ST13: variants seen among roughly 807,000 people sequenced by gnomAD.
ST13 encodes hsc70-interacting protein.
A neutral mutation model predicts 56.7 loss-of-function variants in ST13; 23 were observed. That is an observed-to-expected ratio of 0.41 (90% CI 0.29 to 0.57). The LOEUF (loss-of-function observed/expected upper bound fraction) is 0.57. Ranked by LOEUF, ST13 falls within the 20% of genes least tolerant of loss-of-function variation. ST13 has a pLI of 0.36. For synonymous variants in ST13, 132 were observed against 142.4 expected (o/e 0.93, Z 0.52); for missense variants, 369 against 459.9 (o/e 0.80, Z 1.81).
chr22:40,835,356 CTCACT>C, intron 7 of ST13, 199 bp downstream of exon 7: 1 of 428,372 alleles, frequency 2.3e-6, no homozygotes, highest in Admixed American at 3.9e-5. Context: ...TTCCTATATT[CTCACT>C]TCTTCTTTTA....
Position 40,826,627 on chromosome 22 carries a change from T to C in ST13, c.1021A>G (p.Asn341Asp), listed in dbSNP as rs773978219. Residue 341 changes from asparagine to aspartate, a missense_variant, in exon 12 of 12, where the codon AAC (asparagine) becomes GAC (aspartate). Physicochemically the swap from Asn to Asp is conservative, Grantham distance 23 (BLOSUM62 1). Around this residue, in one of 3 missense-constraint regions of ST13, gnomAD observed 136 missense variants for 159.2 expected, o/e 0.85. Coordinates refer to ENST00000216218, the MANE Select transcript of ST13 (RefSeq NM_003932.5). ...TGGTATTTTGACATATTTGCTGGGT[T>C]CTGAGCCACATCCTGGAAAGCCACC... The part of the protein sequence containing the change: ...VMVAFQDVAQ[N>D]PANMSKYQSN... The C allele has an allele frequency of 3.7e-6, 6 of 1,608,164 alleles. No individual in the cohort carries two copies. The African/African-American group carries it at 8.0e-5, about 21-fold the overall frequency.
chr22:40,828,328 G>C, intron 10 of ST13, among the ~76,000 whole-genome samples: 1 of 152,128 alleles, frequency 6.6e-6, no homozygotes, highest in East Asian at 1.9e-4. Flanking sequence ...AAGATGGCTG[G>C]GCGTGGTGGC....
intron 1 of ST13, 22 bp downstream of exon 1, chr22:40,856,409 G>A (rs768021894): frequency 8.8e-6 from 14 of 1,598,834 alleles, no homozygotes; most frequent in African/African-American, 5.4e-5. Context: ...CGCCCCCAAC[G>A]GTCCTCAGGC....
chr22:40,827,369 A>G, intron 10 of ST13, 140 bp from the exon 11 acceptor site: 1 of 764,370 alleles, frequency 1.3e-6, no homozygotes, highest in Non-Finnish European at 2.1e-6. Flanking sequence ...TTCTAACCAG[A>G]CTGCAACAAG....
At chr22:40,845,887 C>CTA (rs1420936088) in intron 3 of ST13, among the ~76,000 whole-genome samples, 1 of 152,070 alleles carries the variant, frequency 6.6e-6, no homozygotes, top group Admixed American at 6.6e-5. Context: ...GACTGACAAA[C>CTA]TATATATATA....
At chr22:40,829,950 A>T (rs538480064) in intron 9 of ST13, among the ~76,000 whole-genome samples, 4 of 152,196 alleles carry the variant, frequency 2.6e-5, no homozygotes, top group Non-Finnish European at 5.9e-5. Context: ...TGAAAACTCT[A>T]AATTCATCCT....
At chr22:40,845,993 G>A (rs1311558784) in intron 3 of ST13, among the ~76,000 whole-genome samples, 1 of 152,128 alleles carries the variant, frequency 6.6e-6, no homozygotes, top group South Asian at 2.1e-4. Flanking sequence ...TTGGAGTGCA[G>A]TGGCGCAATC....
chr22:40,855,873 A>ACAGTGTTATCCC (rs1237898769), intron 1 of ST13, among the ~76,000 whole-genome samples: 1 of 152,174 alleles, frequency 6.6e-6, no homozygotes, highest in Non-Finnish European at 1.5e-5. Flanking sequence ...TAACACTGCC[A>ACAGTGTTATCCC]AGTAACGGAG....
intron 8 of ST13, 121 bp from the exon 9 acceptor site, chr22:40,831,077 T>G: frequency 1.4e-6 from 1 of 711,684 alleles, no homozygotes; most frequent in Non-Finnish European, 2.3e-6. Flanking sequence ...CAGATTTGTC[T>G]TGTACAAAAA....
chr22:40,853,226 T>G (rs1461710160), intron 1 of ST13, among the ~76,000 whole-genome samples: 1 of 152,286 alleles, frequency 6.6e-6, no homozygotes, highest in East Asian at 1.9e-4. Flanking sequence ...GTAAAGACTT[T>G]GTAGGAAGTA....
At chr22:40,846,973 T>C (rs942428282) in intron 3 of ST13, among the ~76,000 whole-genome samples, 1 of 151,666 alleles carries the variant, frequency 6.6e-6, no homozygotes, top group Admixed American at 6.6e-5. Context: ...CCAGCCTGGG[T>C]GGCAGAGCGA....
chr22:40,846,363 C>T (rs868867621), intron 3 of ST13, among the ~76,000 whole-genome samples: 1 of 152,154 alleles, frequency 6.6e-6, no homozygotes, highest in Non-Finnish European at 1.5e-5. Flanking sequence ...ACTGAAGATC[C>T]AGTCTCTTAA....
intron 8 of ST13, chr22:40,831,981 T>G (rs1458739603): frequency 3.8e-6 from 1 of 263,262 alleles, no homozygotes; most frequent in African/African-American, 2.2e-5. Flanking sequence ...GCCTCCCGAG[T>G]AGCTGGGACT....
intron 7 of ST13, among the ~76,000 whole-genome samples, chr22:40,834,194 A>G (rs1351225779): frequency 6.6e-6 from 1 of 151,852 alleles, no homozygotes; most frequent in East Asian, 1.9e-4. Context: ...CTGAGGCAGG[A>G]TAATCACTTG....
At chr22:40,843,673 A>T (rs2057815825) in intron 4 of ST13, among the ~76,000 whole-genome samples, 1 of 152,166 alleles carries the variant, frequency 6.6e-6, no homozygotes, top group African/African-American at 2.4e-5. Flanking sequence ...AACATGAAGA[A>T]AGATGAGTGA....
chr22:40,833,300 T>G (rs1255132404), intron 7 of ST13, among the ~76,000 whole-genome samples: 1 of 152,184 alleles, frequency 6.6e-6, no homozygotes, highest in Non-Finnish European at 1.5e-5. Context: ...CTGGGCGCGG[T>G]GGCTCACGTC....
chr22:40,830,188 A>G (rs930889937), intron 9 of ST13, among the ~76,000 whole-genome samples: 3 of 152,248 alleles, frequency 2.0e-5, no homozygotes, highest in Non-Finnish European at 2.9e-5. Context: ...TCAAGGAGAT[A>G]AATTACTTTT....
intron 5 of ST13, among the ~76,000 whole-genome samples, chr22:40,838,964 T>C (rs576832747): frequency 4.0e-5 from 6 of 150,764 alleles, no homozygotes; most frequent in Admixed American, 2.0e-4. Context: ...GAAAACAAGA[T>C]TGGAGAAGTA....
chr22:40,844,068 A>T (rs752132131), intron 4 of ST13, among the ~76,000 whole-genome samples: 5 of 151,958 alleles, frequency 3.3e-5, no homozygotes, highest in Admixed American at 6.6e-5. Flanking sequence ...TTATTAGTAG[A>T]GACGGGGTTT....
Sources: gnomAD v4.1 joint callset for allele counts (sites outside exome capture counted in the v4.1 genomes callset) on GRCh38, gnomAD v4.1.1 for gene constraint, gnomAD v4.1.1 regional missense constraint, MANE v1.5 for transcripts, NCBI Gene and HGNC (gene_info 2026-07-23, HGNC 2026-07-21) for gene names.